CYP46A1: variants seen among roughly 807,000 people sequenced by gnomAD.
CYP46A1 encodes the protein cytochrome P450 family 46 subfamily A member 1, also known as cholesterol 24-hydroxylase.
CYP46A1 carries 20 observed loss-of-function variants against 63.3 expected under a neutral mutation model. The ratio of observed to expected loss-of-function variants is 0.32; its 90% CI spans 0.22 to 0.46. The LOEUF is 0.46. CYP46A1 is among the 20% of genes least tolerant of loss of function. The pLI is 1.00. For missense variants in CYP46A1, 445 were observed against 670.8 expected, an observed-to-expected ratio of 0.66 and a Z score of 3.72; for synonymous variants, 268 against 273.6, an observed-to-expected ratio of 0.98 and a Z score of 0.20.
chr14:99,723,325 T>C (rs2056866439), intron 12 of CYP46A1, among the ~76,000 whole-genome samples: 2 of 152,212 alleles, frequency 1.3e-5, no homozygotes, highest in Non-Finnish European at 2.9e-5. Flanking sequence ...TTATTTTGTT[T>C]TTAAATAGAG....
intron 3 of CYP46A1, among the ~76,000 whole-genome samples, chr14:99,696,607 G>A (rs1472750007): frequency 6.6e-6 from 1 of 152,004 alleles, no homozygotes; most frequent in Non-Finnish European, 1.5e-5. Flanking sequence ...TTTATTTGCT[G>A]TACTTTTCTT....
At chr14:99,724,891 C>T (rs148208204) in intron 12 of CYP46A1, among the ~76,000 whole-genome samples, 6 of 152,348 alleles carry the variant, frequency 3.9e-5, no homozygotes, top group African/African-American at 7.2e-5. Flanking sequence ...AGGCACCACA[C>T]GTGCACGTGG....
chr14:99,696,211 T>C (rs1247444912), intron 3 of CYP46A1, among the ~76,000 whole-genome samples: 1 of 152,208 alleles, frequency 6.6e-6, no homozygotes, highest in Non-Finnish European at 1.5e-5. Flanking sequence ...CCTCCTTTCC[T>C]GCCTTCTTTT....
At position 99,726,204 on chromosome 14, in the gene CYP46A1, ACTTCCC is replaced by A; in HGVS notation, c.1285_1290del (p.Pro429_Phe430del). 6.2e-7 allele frequency: 1 copy of A among 1,613,618 alleles called. No homozygotes were observed. Among genetic ancestry groups the A allele is most frequent in the African/African-American group, 1.3e-5 (1 of 74,798 alleles). ...TTTCCCTGCAGGCCACGGTTCACCT[ACTTCCC>A]CTTCTCCCTGGGCCACCGCTCCTGC... On this transcript the variant is annotated inframe_deletion, in exon 14 of 15. Transcript: ENST00000261835.
At chr14:99,716,001 G>GC in intron 8 of CYP46A1, 41 bp downstream of exon 8, 4 of 578,090 alleles carry the variant, frequency 6.9e-6, no homozygotes, top group Non-Finnish European at 1.3e-5. Flanking sequence ...GGCGGGGTGG[G>GC]CCAGGACGTT....
chr14:99,695,604 T>TTTA (rs3070460), intron 3 of CYP46A1: 22,752 of 142,662 alleles, frequency 0.16, 1,992 homozygotes, highest in East Asian at 0.22. Context: ...CCATTCCAGC[T>TTTA]TTATTATTAT....
At chr14:99,687,177 C>T (rs1360735935) in intron 1 of CYP46A1, among the ~76,000 whole-genome samples, 1 of 152,202 alleles carries the variant, frequency 6.6e-6, no homozygotes, top group Non-Finnish European at 1.5e-5. Context: ...ATCCGTGTAA[C>T]AGCTGAAAAC....
Position 99,715,768 on chromosome 14 carries a change from T to C in CYP46A1, c.694-42T>C, listed in dbSNP as rs750237597. ...GGTGGGGGAGAGGGGAGAGGGAACA[T>C]GCGTGTTCACTTGGCCATCTGGAGC... On this transcript the variant is annotated intron_variant, in intron 7 of 14. Coordinates refer to ENST00000261835, the MANE Select transcript of CYP46A1 (RefSeq NM_006668.2). 1.9e-6 allele frequency: 3 copies of C among 1,613,388 alleles called. No individual in the cohort carries two copies. The African/African-American group carries it at 4.0e-5, about 22-fold the overall frequency.
chr14:99,698,078 G>T (rs1463127850), intron 3 of CYP46A1, among the ~76,000 whole-genome samples: 1 of 152,116 alleles, frequency 6.6e-6, no homozygotes, highest in Non-Finnish European at 1.5e-5. Context: ...AGGCATTTCT[G>T]GGGCTTCTTT....
At chr14:99,699,582 G>T in intron 4 of CYP46A1, 43 bp downstream of exon 4, 6 of 1,605,624 alleles carry the variant, frequency 3.7e-6, no homozygotes, top group Non-Finnish European at 3.4e-6. Flanking sequence ...GGCCAGGAGA[G>T]CCCTGCTGTG....
At chr14:99,705,066 A>G (rs34212776) in intron 5 of CYP46A1, among the ~76,000 whole-genome samples, 47,652 of 152,146 alleles carry the variant, frequency 0.31, 8,078 homozygotes, top group South Asian at 0.39. Context: ...CCCTCCTAAG[A>G]GCAACAGCAT....
intron 5 of CYP46A1, 48 bp downstream of exon 5, chr14:99,700,149 A>T: frequency 6.7e-7 from 1 of 1,491,026 alleles, no homozygotes; most frequent in Non-Finnish European, 9.1e-7. Flanking sequence ...CAGAGGCAGT[A>T]GGGGCTGCCG....
In CYP46A1 at chr14:99,700,063, C is replaced by T; in HGVS notation, c.405C>T (p.His135=). The T allele has an allele frequency of 6.2e-7, 1 of 1,608,120 alleles. No homozygotes were observed. Among genetic ancestry groups the T allele is most frequent in the Non-Finnish European group, 8.5e-7 (1 of 1,176,802 alleles). The change falls in exon 5 of 15, where the codon CAC becomes CAT. Residue 135 remains histidine (H), a synonymous_variant. Transcript: ENST00000261835. Reference sequence around the variant, plus strand: ...CCGAATGCAACTATGAGCGCTGGCACAAGCAGCGGAGAGTCATAGACCTGG... The same window carrying T: ...CCGAATGCAACTATGAGCGCTGGCATAAGCAGCGGAGAGTCATAGACCTGG... The part of the protein sequence containing the change: ...LVSECNYERW[H]KQRRVIDLAF...
In CYP46A1 at chr14:99,691,801, T is replaced by C. The variant is rs556161085; in HGVS notation, c.222T>C (p.Val74=). The C allele has an allele frequency of 6.2e-7, 1 of 1,614,224 alleles. No homozygotes were observed. The highest frequency in any genetic ancestry group is 1.3e-5 in the African/African-American group (1 of 75,050). ...CCAGGGCTAAGAAGTATGGACCTGTTGTGCGGGTCAACGTCTTCCACAAAA... is the reference window on the plus strand; with the variant it reads ...CCAGGGCTAAGAAGTATGGACCTGTCGTGCGGGTCAACGTCTTCCACAAAA... ...FLDWAKKYGP[V]VRVNVFHKTS... The change falls in exon 3 of 15, where the codon GTT becomes GTC. Residue 74 remains valine, a synonymous_variant. Coordinates refer to ENST00000261835, the MANE Select transcript of CYP46A1 (RefSeq NM_006668.2).
intron 5 of CYP46A1, 108 bp downstream of exon 5, chr14:99,700,209 C>A: frequency 2.8e-6 from 2 of 712,582 alleles, no homozygotes; most frequent in East Asian, 2.9e-5. Context: ...GGGGGCCTCC[C>A]TCAGCTGAAG....
At chr14:99,719,071 A>C (rs1171986122) in intron 10 of CYP46A1, among the ~76,000 whole-genome samples, 1 of 152,034 alleles carries the variant, frequency 6.6e-6, no homozygotes, top group Non-Finnish European at 1.5e-5. Context: ...AGCATTGCCT[A>C]CCTCATTGTA....
intron 10 of CYP46A1, among the ~76,000 whole-genome samples, chr14:99,719,262 C>T (rs1009121243): frequency 1.3e-5 from 2 of 152,136 alleles, no homozygotes; most frequent in African/African-American, 4.8e-5. Flanking sequence ...CTCTGTTGCC[C>T]AGGCTGGAGT....
Position 99,726,772 on chromosome 14 carries a change from C to T in CYP46A1, c.*45C>T. On this transcript the variant is annotated 3_prime_UTR_variant, in exon 15 of 15. Coordinates refer to ENST00000261835, the MANE Select transcript of CYP46A1 (RefSeq NM_006668.2). ...GAGACTCCTCGGGCAAGGGCCGTGCCCGCCCACCTCTGCTGCCCACGGCCA... is the reference window on the plus strand; with the variant it reads ...GAGACTCCTCGGGCAAGGGCCGTGCTCGCCCACCTCTGCTGCCCACGGCCA... The T allele has an allele frequency of 2.1e-6, 3 of 1,425,072 alleles. No individual in the cohort carries two copies. The highest frequency in any genetic ancestry group is 2.8e-6 in the Non-Finnish European group (3 of 1,073,064). 88.3% of individuals were successfully genotyped at this position (1,425,072 alleles called of 1,614,324 possible).
chr14:99,726,466 A>G, intron 14 of CYP46A1, 91 bp from the exon 15 acceptor site: 2 of 1,294,164 alleles, frequency 1.5e-6, no homozygotes, highest in South Asian at 3.0e-5. Flanking sequence ...GCTCTCCAGG[A>G]GGAGAGCCGG....
Sources: gnomAD v4.1 joint callset for allele counts (sites outside exome capture counted in the v4.1 genomes callset) on GRCh38, gnomAD v4.1.1 for gene constraint, MANE v1.5 for transcripts, NCBI Gene and HGNC (gene_info 2026-07-23, HGNC 2026-07-21) for gene names.